Variants in CFAP54 observed in about 807,000 individuals in gnomAD.
The protein encoded by CFAP54 is cilia and flagella associated protein 54, also known as cilia- and flagella-associated protein 54.
Under a neutral mutation model 370.4 loss-of-function variants are expected in CFAP54, and 290 were observed. The observed-to-expected ratio is 0.78, with a 90% CI of 0.71 to 0.86. CFAP54 has a LOEUF of 0.86. Among genes scored for constraint, CFAP54 ranks in the 40% least tolerant of loss-of-function variants. The probability of loss-of-function intolerance (pLI) is 0.00; values close to 1 mark genes in which losing one functional copy is unlikely to be tolerated. For missense variants in CFAP54, 3,399 were observed against 3,528.7 expected (o/e 0.96, Z 0.93); for synonymous variants, 1,206 against 1,236.5 (o/e 0.98, Z 0.52).
At chr12:96,507,383 A>T (rs1261818383) in intron 4 of CFAP54, among the ~76,000 whole-genome samples, 1 of 152,142 alleles carries the variant, frequency 6.6e-6, no homozygotes, top group African/African-American at 2.4e-5. Context: ...TAGATGGAGA[A>T]GGGTCAAAGA....
Position 96,576,704 on chromosome 12 carries a change from G to C in CFAP54, c.2739G>C (p.Leu913=), listed in dbSNP as rs755615219. ...KSRVPPPPIL[L]SRTHCSVTLK... ...GAGTCCCCCCTCCACCTATCCTGCT[G>C]TCTCGAACTCATTGTTCTGTGACAC... The change falls in exon 20 of 68, where the codon CTG becomes CTC. Residue 913 remains leucine (L), a synonymous_variant. Coordinates refer to ENST00000524981, the MANE Select transcript of CFAP54 (RefSeq NM_001306084.2). The C allele has an allele frequency of 1.3e-6, 2 of 1,535,878 alleles. No homozygotes were observed. The highest frequency in any genetic ancestry group is 1.7e-6 in the Non-Finnish European group (2 of 1,146,704).
intron 62 of CFAP54, among the ~76,000 whole-genome samples, chr12:96,791,791 A>G (rs969186732): frequency 6.6e-6 from 1 of 152,102 alleles, no homozygotes; most frequent in Non-Finnish European, 1.5e-5. Context: ...TTCACCCTGT[A>G]AGACTTACCA....
chr12:96,638,476 G>A (rs1482702967), intron 32 of CFAP54, among the ~76,000 whole-genome samples: 3 of 151,476 alleles, frequency 2.0e-5, no homozygotes, highest in African/African-American at 7.3e-5. Context: ...GGGCCCAAGT[G>A]ATCCTCCTGC....
At position 96,598,719 on chromosome 12, in the gene CFAP54, T is replaced by C; in HGVS notation, c.3591T>C (p.Phe1197=). 1.5e-6 allele frequency: 1 copy of C among 682,462 alleles called. No homozygotes were observed. Among genetic ancestry groups the C allele is most frequent in the Non-Finnish European group, 2.7e-6 (1 of 373,444 alleles). 42.3% of individuals were successfully genotyped at this position (682,462 alleles called of 1,614,324 possible). Residue 1197 remains phenylalanine (F), a synonymous_variant, in exon 26 of 68, where the codon TTT becomes TTC. Transcript: ENST00000524981. ...IVCSKKHTAS[F]ESIQHMIACC... ...GCTCGAAGAAACATACTGCGAGCTT[T>C]GAAAGTATACAACACATGATAGCTT...
At chr12:96,856,831 AG>A (rs1441835710) in intron 66 of CFAP54, among the ~76,000 whole-genome samples, 1 of 152,202 alleles carries the variant, frequency 6.6e-6, no homozygotes, top group East Asian at 1.9e-4. Flanking sequence ...CCACATTTTC[AG>A]GTATCTTTAC....
chr12:96,750,824 A>G (rs955785596), intron 55 of CFAP54, among the ~76,000 whole-genome samples: 6 of 152,238 alleles, frequency 3.9e-5, no homozygotes, highest in Non-Finnish European at 7.3e-5. Flanking sequence ...TTAAACACAG[A>G]CTTAAAAAAC....
intron 23 of CFAP54, among the ~76,000 whole-genome samples, chr12:96,591,686 G>GA (rs1390589311): frequency 6.6e-6 from 1 of 151,944 alleles, no homozygotes; most frequent in Non-Finnish European, 1.5e-5. Flanking sequence ...TCAGGAGATC[G>GA]AGACCATCCT....
intron 66 of CFAP54, among the ~76,000 whole-genome samples, chr12:96,854,036 A>G (rs1370822253): frequency 6.6e-6 from 1 of 152,042 alleles, no homozygotes; most frequent in African/African-American, 2.4e-5. Flanking sequence ...TATCTTTAAC[A>G]TGGAAAGTAT....
At chr12:96,595,278 A>G (rs193181014) in intron 25 of CFAP54, among the ~76,000 whole-genome samples, 71 of 152,180 alleles carry the variant, frequency 4.7e-4, no homozygotes, top group Admixed American at 1.6e-3. Context: ...TAATGAAATC[A>G]TGAGACTGAT....
intron 26 of CFAP54, among the ~76,000 whole-genome samples, chr12:96,616,916 G>A (rs149871714): frequency 6.6e-6 from 1 of 152,266 alleles, no homozygotes; most frequent in African/African-American, 2.4e-5. Context: ...ATAATTAGAG[G>A]AGATAAGACC....
At chr12:96,761,294 C>A (rs886513240) in intron 58 of CFAP54, among the ~76,000 whole-genome samples, 5 of 151,982 alleles carry the variant, frequency 3.3e-5, no homozygotes, top group Admixed American at 1.3e-4. Context: ...AGATCTTTTG[C>A]CCATTTTTAT....
intron 26 of CFAP54, among the ~76,000 whole-genome samples, chr12:96,599,000 T>G (rs1230648642): frequency 6.6e-6 from 1 of 152,020 alleles, no homozygotes. Flanking sequence ...ATAGCATTAG[T>G]ATATCTATCT....
intron 25 of CFAP54, among the ~76,000 whole-genome samples, chr12:96,595,814 AG>A: frequency 6.6e-6 from 1 of 152,276 alleles, no homozygotes; most frequent in South Asian, 2.1e-4. Flanking sequence ...TTCTTTTTAA[AG>A]GTGAGAGATG....
At chr12:96,826,041 A>C (rs976021654) in intron 65 of CFAP54, among the ~76,000 whole-genome samples, 2 of 144,942 alleles carry the variant, frequency 1.4e-5, no homozygotes, top group South Asian at 2.1e-4. Context: ...TTAATATATT[A>C]TATATATTTT....
Position 96,506,990 on chromosome 12 carries a change from C to A in CFAP54, c.630C>A (p.Asn210Lys), listed in dbSNP as rs1302888044. The stretch of plus-strand genomic sequence containing the variant: ...AGCTGGTCTGCGACAGTGATGAAAA[C>A]CTGAAGAATAAAGAATCTGTGGTCC... ...NYQLVCDSDE[N>K]LKNKESVVQC... Residue 210 changes from asparagine to lysine, a missense_variant, in exon 4 of 68, where the codon AAC becomes AAA. Physicochemically the swap from Asn to Lys is moderately conservative, Grantham distance 94 (BLOSUM62 0). Coordinates refer to ENST00000524981, the MANE Select transcript of CFAP54 (RefSeq NM_001306084.2). 2 of 1,535,890 alleles carry A rather than the reference C, an allele frequency of 1.3e-6. No homozygotes were observed. The highest frequency in any genetic ancestry group is 1.7e-6 in the Non-Finnish European group (2 of 1,146,808).
At chr12:96,605,328 C>T (rs1229770459) in intron 26 of CFAP54, among the ~76,000 whole-genome samples, 1 of 152,020 alleles carries the variant, frequency 6.6e-6, no homozygotes, top group African/African-American at 2.4e-5. Flanking sequence ...AACCAAACAG[C>T]TGGATTATAA....
chr12:96,736,038 T>C (rs1957976621), intron 50 of CFAP54, among the ~76,000 whole-genome samples: 2 of 152,184 alleles, frequency 1.3e-5, no homozygotes, highest in African/African-American at 4.8e-5. Context: ...AGTTGAAACA[T>C]ACTGGATTTG....
At chr12:96,781,312 A>G (rs1057112696) in intron 60 of CFAP54, among the ~76,000 whole-genome samples, 1 of 152,188 alleles carries the variant, frequency 6.6e-6, no homozygotes, top group Admixed American at 6.5e-5. Context: ...TCATGGTCCA[A>G]ATAAGAAGCG....
At chr12:96,506,812 C>G (rs1487075323) in intron 3 of CFAP54, 116 bp from the exon 4 acceptor site, 2 of 807,076 alleles carry the variant, frequency 2.5e-6, no homozygotes, top group Non-Finnish European at 3.7e-6. Context: ...GTCTCAAACT[C>G]CTGACCTCAG....
Sources: gnomAD v4.1 joint callset for allele counts (sites outside exome capture counted in the v4.1 genomes callset) on GRCh38, gnomAD v4.1.1 for gene constraint, MANE v1.5 for transcripts, NCBI Gene and HGNC (gene_info 2026-07-23, HGNC 2026-07-21) for gene names.